GNAZ: variants seen among roughly 807,000 people sequenced by gnomAD.
GNAZ encodes the protein guanine nucleotide-binding protein G(z) subunit alpha.
Under a neutral mutation model 25.4 loss-of-function variants are expected in GNAZ, and 3 were observed. The observed-to-expected ratio is 0.12, with a 90% CI of 0.05 to 0.30. GNAZ has a LOEUF of 0.30. Among genes scored for constraint, GNAZ ranks in the 10% least tolerant of loss-of-function variants. GNAZ has a pLI of 1.00. For synonymous variants in GNAZ, 211 were observed against 205.7 expected (o/e 1.03, Z -0.22); for missense variants, 241 against 501.8 (o/e 0.48, Z 4.97).
intron 1 of GNAZ, among the ~76,000 whole-genome samples, chr22:23,079,340 G>T (rs2068606479): frequency 6.6e-6 from 1 of 152,246 alleles, no homozygotes; most frequent in African/African-American, 2.4e-5. Flanking sequence ...CGGAAGCGAA[G>T]TCCACTTGGC....
chr22:23,076,900 G>C (rs2068519906), intron 1 of GNAZ, among the ~76,000 whole-genome samples: 1 of 152,238 alleles, frequency 6.6e-6, no homozygotes, highest in African/African-American at 2.4e-5. Context: ...AGCTCTGCCT[G>C]TGATGGTGAC....
rs1325462752 is a variant in GNAZ, at chr22:23,086,256, T to C, written c.-449-8991T>C. On this transcript the variant is annotated intron_variant, in intron 1 of 2. Transcript: ENST00000615612. ...TCCCGTGGGGCCCAGTTGGAGGGCT[T>C]GGTGGGAGCAGAGGCCTGCAGACTC... 2.6e-5 allele frequency among the ~76,000 whole-genome samples: 4 copies of C among 152,254 alleles called. No individual in the cohort carries two copies. In the East Asian group the frequency reaches 7.7e-4, roughly 29 times the overall value.
intron 2 of GNAZ, among the ~76,000 whole-genome samples, chr22:23,098,414 G>A (rs1231234521): frequency 6.6e-6 from 1 of 152,214 alleles, no homozygotes; most frequent in East Asian, 1.9e-4. Context: ...TGGCCCCTGT[G>A]GGGCCTCACA....
chr22:23,105,740 T>A (rs1175791974), intron 2 of GNAZ, among the ~76,000 whole-genome samples: 1 of 152,212 alleles, frequency 6.6e-6, no homozygotes, highest in Non-Finnish European at 1.5e-5. Context: ...TGCTGTTTGT[T>A]AATTTCCCTT....
chr22:23,097,185 G>A (rs904949392), intron 2 of GNAZ, among the ~76,000 whole-genome samples: 1 of 152,182 alleles, frequency 6.6e-6, no homozygotes, highest in African/African-American at 2.4e-5. Context: ...ATGGGGGAGT[G>A]GGGGCAAACA....
intron 2 of GNAZ, among the ~76,000 whole-genome samples, chr22:23,096,639 T>C (rs1416822346): frequency 6.6e-6 from 1 of 152,108 alleles, no homozygotes; most frequent in Non-Finnish European, 1.5e-5. Context: ...ACTCAGGGTG[T>C]GGAGGCCACA....
rs73384389 is a variant in GNAZ, at chr22:23,108,462, C to T, written c.723+12044C>T. 5.2e-3 allele frequency among the ~76,000 whole-genome samples: 799 copies of T among 152,348 alleles called. 9 individuals are homozygous for T. The highest frequency in any genetic ancestry group is 0.017 in the African/African-American group (715 of 41,576). ...TAGCACAGCAAAGGCCTCGAGGTGACAGAGACGGAAGCAGGAGTCAGGAGA... is the reference window on the plus strand; with the variant it reads ...TAGCACAGCAAAGGCCTCGAGGTGATAGAGACGGAAGCAGGAGTCAGGAGA... On this transcript the variant is annotated intron_variant, in intron 2 of 2. Coordinates refer to ENST00000615612, the MANE Select transcript of GNAZ (RefSeq NM_002073.4).
intron 1 of GNAZ, among the ~76,000 whole-genome samples, chr22:23,079,210 C>T (rs1177838101): frequency 1.3e-5 from 2 of 152,212 alleles, no homozygotes; most frequent in Non-Finnish European, 2.9e-5. Context: ...ATGCTTGGGG[C>T]AAGGCAGCAC....
intron 1 of GNAZ, among the ~76,000 whole-genome samples, chr22:23,077,121 A>G (rs2068527352): frequency 6.6e-6 from 1 of 152,208 alleles, no homozygotes. Context: ...CACGGGAGGC[A>G]GGATTTAGAT....
chr22:23,076,237 G>A (rs1026625185), intron 1 of GNAZ, among the ~76,000 whole-genome samples: 4 of 152,198 alleles, frequency 2.6e-5, no homozygotes, highest in Admixed American at 1.3e-4. Context: ...TCGCCACAGC[G>A]TGACCTGCTC....
rs1239657079 is a variant in GNAZ, at chr22:23,071,621, T to C, written c.-450+1051T>C. ...GACGCTGGGGTGCACCGGGTGGGAGTGGACTGGGCCTGCCCTCCCAGGACT... is the reference window on the plus strand; with the variant it reads ...GACGCTGGGGTGCACCGGGTGGGAGCGGACTGGGCCTGCCCTCCCAGGACT... On this transcript the variant is annotated intron_variant, in intron 1 of 2. Coordinates refer to ENST00000615612, the MANE Select transcript of GNAZ (RefSeq NM_002073.4). The surrounding 1 kb of genome is among the most constrained non-coding windows in gnomAD (Gnocchi z 4.1). Among the ~76,000 whole-genome samples the C allele has an allele frequency of 6.6e-6, 1 of 151,766 alleles. No homozygotes were observed. Among genetic ancestry groups the C allele is most frequent in the Admixed American group, 6.6e-5 (1 of 15,248 alleles).
intron 2 of GNAZ, among the ~76,000 whole-genome samples, chr22:23,097,758 G>A (rs778804840): frequency 2.0e-5 from 3 of 152,268 alleles, no homozygotes; most frequent in Non-Finnish European, 2.9e-5. Context: ...GCATGGCCGT[G>A]GGCAGAGCGC....
chr22:23,111,984 C>A (rs2069671374), intron 2 of GNAZ, among the ~76,000 whole-genome samples: 1 of 152,206 alleles, frequency 6.6e-6, no homozygotes, highest in Non-Finnish European at 1.5e-5. Context: ...CATCCTTAGA[C>A]CAGTCCTCTG....
chr22:23,085,235 G>T (rs1446667045), intron 1 of GNAZ, among the ~76,000 whole-genome samples: 4 of 152,144 alleles, frequency 2.6e-5, no homozygotes, highest in South Asian at 4.1e-4. Context: ...TTTTCTCTGT[G>T]TCCTCTTCTC....
intron 1 of GNAZ, among the ~76,000 whole-genome samples, chr22:23,086,926 T>G (rs551726682): frequency 1.4e-4 from 21 of 152,246 alleles, no homozygotes; most frequent in African/African-American, 5.1e-4. Context: ...GGGAAACCCA[T>G]GATGGGACAC....
At chr22:23,073,561 C>T (rs1215311553) in intron 1 of GNAZ, among the ~76,000 whole-genome samples, 1 of 152,210 alleles carries the variant, frequency 6.6e-6, no homozygotes, top group Non-Finnish European at 1.5e-5. Context: ...CAAGAGTGCC[C>T]TGCCCTGTCC....
intron 1 of GNAZ, among the ~76,000 whole-genome samples, chr22:23,087,040 C>T (rs1235945512): frequency 6.6e-6 from 1 of 152,124 alleles, no homozygotes; most frequent in South Asian, 2.1e-4. Flanking sequence ...CCTCATTCGG[C>T]GAGGAGGAAA....
intron 2 of GNAZ, among the ~76,000 whole-genome samples, chr22:23,102,989 G>T (rs1370699796): frequency 6.6e-6 from 1 of 152,232 alleles, no homozygotes; most frequent in Admixed American, 6.5e-5. Flanking sequence ...GTGCTGGTAA[G>T]CCTTGAGGGA....
At chr22:23,087,017 G>A (rs901518569) in intron 1 of GNAZ, among the ~76,000 whole-genome samples, 1 of 152,262 alleles carries the variant, frequency 6.6e-6, no homozygotes, top group Non-Finnish European at 1.5e-5. Flanking sequence ...TAAAAGGGCA[G>A]TGGAAAGTGC....
Sources: gnomAD v4.1 joint callset for allele counts (sites outside exome capture counted in the v4.1 genomes callset) on GRCh38, gnomAD v4.1.1 for gene constraint, Gnocchi (gnomAD v3.1) non-coding constraint, MANE v1.5 for transcripts, NCBI Gene and HGNC (gene_info 2026-07-23, HGNC 2026-07-21) for gene names.